Variants in SAAL1 observed in about 807,000 individuals in gnomAD.
The protein encoded by SAAL1 is serum amyloid A like 1.
Under a neutral mutation model 59.8 loss-of-function variants are expected in SAAL1, and 42 were observed. That is an observed-to-expected ratio of 0.70 (90% confidence interval 0.55 to 0.91). The LOEUF (loss-of-function observed/expected upper bound fraction) is 0.91. Among genes scored for constraint, SAAL1 ranks in the 40% least tolerant of loss-of-function variants. The probability of loss-of-function intolerance (pLI) is 0.00; values close to 1 mark genes in which losing one functional copy is unlikely to be tolerated. For synonymous variants in SAAL1, 191 were observed against 194.3 expected (o/e 0.98, Z 0.14); for missense variants, 542 against 561.1 (o/e 0.97, Z 0.34).
chr11:18,088,177 G>C (rs1211308108), intron 7 of SAAL1, among the ~76,000 whole-genome samples: 2 of 152,172 alleles, frequency 1.3e-5, no homozygotes, highest in Non-Finnish European at 2.9e-5. Flanking sequence ...CAAGGAATAA[G>C]GATAGCGCTA....
intron 4 of SAAL1, 114 bp downstream of exon 4, chr11:18,092,131 C>T: frequency 3.3e-6 from 2 of 600,628 alleles, no homozygotes; most frequent in Non-Finnish European, 5.9e-6. Context: ...ACAGAGTGTT[C>T]ATCAAGACAA....
chr11:18,095,177 C>T (rs1848560349), intron 3 of SAAL1, among the ~76,000 whole-genome samples: 1 of 152,162 alleles, frequency 6.6e-6, no homozygotes. Flanking sequence ...TTCTAACATG[C>T]AGCCAAGGCT....
chr11:18,091,420 T>C (rs1310971393), intron 4 of SAAL1, among the ~76,000 whole-genome samples: 1 of 152,208 alleles, frequency 6.6e-6, no homozygotes, highest in Non-Finnish European at 1.5e-5. Flanking sequence ...ATTTGTTCCA[T>C]GGATGATGGT....
chr11:18,105,882 C>G lies in SAAL1; in HGVS notation c.135+25G>C, dbSNP rs552615604. The G allele has an allele frequency of 8.9e-6, 14 of 1,571,476 alleles. No individual in the cohort carries two copies. The South Asian group carries it at 1.5e-4, about 17-fold the overall frequency. On this transcript the variant is annotated intron_variant, in intron 1 of 11. Coordinates refer to ENST00000524803, the MANE Select transcript of SAAL1 (RefSeq NM_138421.3). ...GGTGCCTGGGGGATGTAGGGACACC[C>G]CACGCGTGGCGCGAGTTTCCACACC...
chr11:18,090,292 T>TACATGGTA lies in SAAL1; in HGVS notation c.474-10_474-3dup. 1 of 1,574,258 alleles carries TACATGGTA rather than the reference T, an allele frequency of 6.4e-7. No homozygotes were observed. The highest frequency in any genetic ancestry group is 8.6e-7 in the Non-Finnish European group (1 of 1,168,706). On this transcript the variant is annotated splice_polypyrimidine_tract_variant and splice_region_variant and intron_variant, in intron 5 of 11. Transcript: ENST00000524803. ...TGGGAAAGGCAAGTAAGCAACAACCTACATGGTAAACGTGGGTTGAATTTC... is the reference window on the plus strand; with the variant it reads ...TGGGAAAGGCAAGTAAGCAACAACCTACATGGTAACATGGTAAACGTGGGTTGAATTTC...
chr11:18,086,738 T>C (rs1339934894), intron 9 of SAAL1, 128 bp downstream of exon 9: 1 of 477,742 alleles, frequency 2.1e-6, no homozygotes, highest in Non-Finnish European at 3.4e-6. Context: ...AATAAATAAA[T>C]ATGATAATAA....
chr11:18,094,749 G>C (rs74334700), intron 3 of SAAL1, among the ~76,000 whole-genome samples: 1 of 152,176 alleles, frequency 6.6e-6, no homozygotes, highest in Non-Finnish European at 1.5e-5. Context: ...AGGAGCTATA[G>C]AAATGGAATT....
chr11:18,081,551 C>T (rs1848410010), intron 10 of SAAL1, 48 bp from the exon 11 acceptor site: 1 of 1,396,914 alleles, frequency 7.2e-7, no homozygotes. Context: ...ATTTTTCAAG[C>T]TTTAACTAGT....
chr11:18,096,115 TG>T (rs1848572939), intron 3 of SAAL1, among the ~76,000 whole-genome samples: 1 of 151,948 alleles, frequency 6.6e-6, no homozygotes, highest in Admixed American at 6.6e-5. Flanking sequence ...AACTGAAAAA[TG>T]GGAGGCCCAG....
chr11:18,104,690 G>C (rs1368250219), intron 1 of SAAL1, among the ~76,000 whole-genome samples: 1 of 152,298 alleles, frequency 6.6e-6, no homozygotes, highest in East Asian at 1.9e-4. Context: ...TCAGAGGAAA[G>C]CACAAGAGTT....
intron 9 of SAAL1, among the ~76,000 whole-genome samples, chr11:18,085,920 G>A (rs779270374): frequency 7.9e-5 from 12 of 152,256 alleles, no homozygotes; most frequent in African/African-American, 2.6e-4. Context: ...CATGTGACAC[G>A]AGAATAAATT....
In SAAL1 at chr11:18,092,231, A is replaced by G. The variant is rs201809335; in HGVS notation, c.413+14T>C. 2,708 of 1,356,978 alleles carry G rather than the reference A, an allele frequency of 2.0e-3. 14 individuals carry two copies. The highest frequency in any genetic ancestry group is 2.8e-3 in the Middle Eastern group (15 of 5,446). 84.1% of individuals were successfully genotyped at this position (1,356,978 alleles called of 1,614,324 possible). Reference sequence around the variant, plus strand: ...TGAATATATTAAAAAACATAATTATATAGTAAGACTTACCCAAGATTTTTA... The same window carrying G: ...TGAATATATTAAAAAACATAATTATGTAGTAAGACTTACCCAAGATTTTTA... On this transcript the variant is annotated intron_variant, in intron 4 of 11. Transcript: ENST00000524803.
chr11:18,092,183 T>C (rs1848529732), intron 4 of SAAL1, 62 bp downstream of exon 4: 3 of 839,546 alleles, frequency 3.6e-6, no homozygotes, highest in Middle Eastern at 6.9e-4. Context: ...TCCTATGTAT[T>C]AGAATTTCCT....
At chr11:18,088,819 A>C (rs2134057992) in intron 7 of SAAL1, among the ~76,000 whole-genome samples, 1 of 152,346 alleles carries the variant, frequency 6.6e-6, no homozygotes, top group East Asian at 1.9e-4. Context: ...CTTACTCAGC[A>C]CTAAGAATGC....
intron 2 of SAAL1, among the ~76,000 whole-genome samples, chr11:18,099,152 G>A (rs542843627): frequency 3.3e-5 from 5 of 152,168 alleles, no homozygotes; most frequent in Non-Finnish European, 7.3e-5. Context: ...CCATACTGGA[G>A]CAGTGGCTAT....
intron 7 of SAAL1, among the ~76,000 whole-genome samples, chr11:18,088,612 A>T (rs1289979024): frequency 6.6e-6 from 1 of 152,188 alleles, no homozygotes; most frequent in African/African-American, 2.4e-5. Context: ...AAGGGTTGGG[A>T]GTTGACTGCA....
In SAAL1 at chr11:18,090,205, T is replaced by C. The variant is rs774564735; in HGVS notation, c.559A>G (p.Ile187Val). The C allele has an allele frequency of 1.2e-6, 2 of 1,602,668 alleles. No individual in the cohort carries two copies. Among genetic ancestry groups the C allele is most frequent in the South Asian group, 1.1e-5 (1 of 87,688 alleles). ...GTTGAACTTGACATAATGAAGCAAA[T>C]GCTATCATAAATAGCTGGATGTTCC... ...IQEHPAIYDS[I>V]CFIMSSSTNV... Residue 187 changes from isoleucine to valine, a missense_variant, in exon 6 of 12, where the codon ATT (isoleucine) becomes GTT (valine). Physicochemically the swap from Ile to Val is conservative, Grantham distance 29 (BLOSUM62 3). Coordinates refer to ENST00000524803, the MANE Select transcript of SAAL1 (RefSeq NM_138421.3).
At chr11:18,083,491 C>T in intron 10 of SAAL1, 44 bp downstream of exon 10, 5 of 1,163,108 alleles carry the variant, frequency 4.3e-6, no homozygotes, top group Non-Finnish European at 4.9e-6. Context: ...TTAAGCAACC[C>T]ACACTTTCTT....
At chr11:18,103,674 C>T (rs1257770926) in intron 1 of SAAL1, among the ~76,000 whole-genome samples, 1 of 152,192 alleles carries the variant, frequency 6.6e-6, no homozygotes, top group East Asian at 1.9e-4. Flanking sequence ...TTCTGCCTTG[C>T]ACCTTGAACT....
Sources: allele counts gnomAD v4.1 joint callset (sites outside exome capture counted in the v4.1 genomes callset), GRCh38; gene constraint gnomAD v4.1.1; transcripts MANE v1.5; gene names NCBI Gene and HGNC (gene_info 2026-07-23, HGNC 2026-07-21).